NRG1: variants seen among roughly 807,000 people sequenced by gnomAD.
The protein encoded by NRG1 is pro-neuregulin-1, membrane-bound isoform.
NRG1 carries 18 observed loss-of-function variants against 63.8 expected under a neutral mutation model. That is an observed-to-expected ratio of 0.28 (90% CI 0.19 to 0.42). The LOEUF is 0.42. NRG1 is among the 10% of genes least tolerant of loss of function. The pLI is 1.00. For synonymous variants in NRG1, 302 were observed against 301.3 expected, an observed-to-expected ratio of 1.00 and a Z score of -0.02; for missense variants, 762 against 814.7, an observed-to-expected ratio of 0.94 and a Z score of 0.79.
At chr8:32,478,979 T>A (rs1824884993) in intron 1 of NRG1, among the ~76,000 whole-genome samples, 1 of 152,218 alleles carries the variant, frequency 6.6e-6, no homozygotes, top group Non-Finnish European at 1.5e-5. Flanking sequence ...TGAGTTCTAC[T>A]GGGGAAAATT....
At chr8:31,721,164 A>G (rs1812877519) in intron 1 of NRG1, among the ~76,000 whole-genome samples, 1 of 151,368 alleles carries the variant, frequency 6.6e-6, no homozygotes, top group Non-Finnish European at 1.5e-5. Flanking sequence ...AACTTTGCCA[A>G]TTTTTTTTTC....
intron 1 of NRG1, among the ~76,000 whole-genome samples, chr8:32,119,719 A>T (rs533622129): frequency 6.6e-6 from 1 of 152,132 alleles, no homozygotes; most frequent in Non-Finnish European, 1.5e-5. Context: ...ACCCAGGACA[A>T]CTGGAAGGCC....
intron 1 of NRG1, among the ~76,000 whole-genome samples, chr8:32,149,290 ATT>A (rs1219056379): frequency 2.0e-5 from 3 of 152,104 alleles, no homozygotes; most frequent in Non-Finnish European, 2.9e-5. Flanking sequence ...AATGCAGACA[ATT>A]TTCTCTATTT....
intron 1 of NRG1, among the ~76,000 whole-genome samples, chr8:31,769,758 G>C (rs71523432): frequency 0.05 from 7,648 of 152,196 alleles, 258 homozygotes; most frequent in Admixed American, 0.11. Flanking sequence ...TTATCAGTAA[G>C]AAAATAGCTC....
chr8:32,719,919 A>C (rs1288661999), intron 5 of NRG1, among the ~76,000 whole-genome samples: 1 of 152,144 alleles, frequency 6.6e-6, no homozygotes, highest in African/African-American at 2.4e-5. Context: ...ATAATACTGA[A>C]TAGTTTTACA....
intron 1 of NRG1, among the ~76,000 whole-genome samples, chr8:32,471,834 A>G (rs1823891306): frequency 6.6e-6 from 1 of 152,350 alleles, no homozygotes; most frequent in South Asian, 2.1e-4. Flanking sequence ...AAAATTATAC[A>G]TCTAACTCTT....
intron 1 of NRG1, among the ~76,000 whole-genome samples, chr8:31,670,337 A>G (rs1156672998): frequency 6.6e-6 from 1 of 152,086 alleles, no homozygotes; most frequent in Non-Finnish European, 1.5e-5. Context: ...CTGAGCTCCT[A>G]CACTGCAGGC....
At chr8:32,465,849 A>T (rs1032029955) in intron 1 of NRG1, among the ~76,000 whole-genome samples, 5 of 152,234 alleles carry the variant, frequency 3.3e-5, no homozygotes, top group Admixed American at 6.5e-5. Flanking sequence ...GAAATACTTC[A>T]GATAAATTAA....
At chr8:32,323,652 C>T (rs1011226667) in intron 1 of NRG1, among the ~76,000 whole-genome samples, 2 of 152,234 alleles carry the variant, frequency 1.3e-5, no homozygotes, top group Admixed American at 6.5e-5. Flanking sequence ...CTTGAGGGCA[C>T]GTAAGCCATT....
At chr8:31,917,472 C>T (rs1162847314) in intron 1 of NRG1, among the ~76,000 whole-genome samples, 1 of 150,484 alleles carries the variant, frequency 6.6e-6, no homozygotes, top group East Asian at 2.0e-4. Flanking sequence ...AATCCTTTCC[C>T]CATTGCTTGT....
intron 1 of NRG1, among the ~76,000 whole-genome samples, chr8:32,539,569 A>T (rs1421017839): frequency 1.3e-5 from 2 of 152,142 alleles, no homozygotes; most frequent in Non-Finnish European, 2.9e-5. Flanking sequence ...CGGGGAAGAG[A>T]TGGAGATTAA....
intron 1 of NRG1, among the ~76,000 whole-genome samples, chr8:31,819,547 C>T (rs1823802770): frequency 6.6e-6 from 1 of 152,174 alleles, no homozygotes; most frequent in African/African-American, 2.4e-5. Context: ...CAAACTTTTA[C>T]ATATTGTTCA....
At chr8:32,052,273 T>A (rs76285725) in intron 1 of NRG1, among the ~76,000 whole-genome samples, 1 of 1,762 alleles carries the variant, frequency 5.7e-4, no homozygotes, top group African/African-American at 1.3e-3. Context: ...TTCCTCCTGT[T>A]TTTTTTTTTT....
chr8:31,698,094 T>A (rs1357707860), intron 1 of NRG1, among the ~76,000 whole-genome samples: 2 of 152,174 alleles, frequency 1.3e-5, no homozygotes, highest in African/African-American at 2.4e-5. Context: ...ATGTCGGTAC[T>A]GTCACTACAG....
chr8:32,027,499 A>G (rs1817632477), intron 1 of NRG1, among the ~76,000 whole-genome samples: 1 of 88,954 alleles, frequency 1.1e-5, no homozygotes, highest in Non-Finnish European at 1.9e-5. Flanking sequence ...ATCTAGGAGG[A>G]TTTTATAGTT....
intron 2 of NRG1, among the ~76,000 whole-genome samples, chr8:32,601,244 T>G (rs764992630): frequency 3.3e-5 from 5 of 152,160 alleles, no homozygotes; most frequent in Non-Finnish European, 5.9e-5. Context: ...CCTGGAACAC[T>G]TTCTGTGTGA....
rs190482282 is a variant in NRG1 at position 31,815,331 on chromosome 8, G to T, written c.37+175900G>T. 6.7e-4 allele frequency among the ~76,000 whole-genome samples: 102 copies of T among 152,212 alleles called. 1 individual carries two copies. The highest frequency in any genetic ancestry group is 4.4e-4 in the Non-Finnish European group (30 of 68,010). ...CTATTCAAAGTACTTCATATAAGCG[G>T]TATCATGCAGTGGTATCTCATCTTT... On this transcript the variant is annotated intron_variant, in intron 1 of 10. Coordinates refer to the NRG1 transcript ENST00000519301.
At chr8:32,666,163 A>G (rs1361148985) in intron 5 of NRG1, among the ~76,000 whole-genome samples, 4 of 152,164 alleles carry the variant, frequency 2.6e-5, no homozygotes, top group Non-Finnish European at 2.9e-5. Flanking sequence ...TTGGCCTGGA[A>G]CTTAGATTTT....
chr8:32,272,236 G>C (rs189382244), intron 1 of NRG1, among the ~76,000 whole-genome samples: 1 of 152,126 alleles, frequency 6.6e-6, no homozygotes, highest in African/African-American at 2.4e-5. Context: ...TTTCTTCTTG[G>C]CTTGCAGATG....
Sources: gnomAD v4.1 joint callset for allele counts (sites outside exome capture counted in the v4.1 genomes callset) on GRCh38, gnomAD v4.1.1 for gene constraint, MANE v1.5 for transcripts, NCBI Gene and HGNC (gene_info 2026-07-23, HGNC 2026-07-21) for gene names.